The following MAP4 variants were observed in gnomAD, a reference collection of about 807,000 sequenced individuals.
The protein encoded by MAP4 is microtubule-associated protein 4.
In MAP4, 76 loss-of-function variants were observed where a neutral mutation model predicts 170.2. That is an observed-to-expected ratio of 0.45 (90% confidence interval 0.37 to 0.54). The LOEUF is 0.54. MAP4 is among the 20% of genes least tolerant of loss of function. MAP4 has a pLI of 0.00. For synonymous variants in MAP4, 909 were observed against 994.5 expected, an observed-to-expected ratio of 0.91 and a Z score of 1.62; for missense variants, 2,506 against 2,748.0, an observed-to-expected ratio of 0.91 and a Z score of 1.97.
At chr3:47,861,473 T>C (rs1314349712) in intron 17 of MAP4, among the ~76,000 whole-genome samples, 1 of 151,102 alleles carries the variant, frequency 6.6e-6, no homozygotes. Context: ...CTGCCTCAGC[T>C]TTCCAAGTAG....
At chr3:47,980,277 G>T (rs2100084719) in intron 2 of MAP4, among the ~76,000 whole-genome samples, 1 of 152,178 alleles carries the variant, frequency 6.6e-6, no homozygotes, top group South Asian at 2.1e-4. Context: ...ATTTGGGGAT[G>T]TACAACTTTT....
chr3:47,922,911 G>A (rs912870216), intron 4 of MAP4, among the ~76,000 whole-genome samples: 1 of 152,082 alleles, frequency 6.6e-6, no homozygotes, highest in African/African-American at 2.4e-5. Context: ...TTAGTCAGGC[G>A]TGGTGGCACG....
chr3:47,864,219 G>A (rs1289979546), intron 17 of MAP4, among the ~76,000 whole-genome samples: 1 of 152,094 alleles, frequency 6.6e-6, no homozygotes, highest in African/African-American at 2.4e-5. Context: ...GCCTCCCAGG[G>A]CCACTGTACC....
chr3:47,913,469 C>T (rs919217603), intron 8 of MAP4, among the ~76,000 whole-genome samples: 15 of 152,144 alleles, frequency 9.9e-5, no homozygotes, highest in African/African-American at 3.6e-4. Context: ...AGCAATTAAT[C>T]AGCAGCTATT....
Position 47,869,248 on chromosome 3 carries a change from G to C in MAP4, c.6374C>G (p.Pro2125Arg), listed in dbSNP as rs373072815. The change falls in exon 16 of 21, where the codon CCA becomes CGA. Residue 2125 changes from proline (P) to arginine (R), a missense_variant. Physicochemically the swap from Pro to Arg is moderately radical, Grantham distance 103. Transcript: ENST00000683076. ...ESNAVTKTAG[P>R]IASAQKQPAG... Reference sequence around the variant, plus strand: ...AGGTTGTTTCTGTGCACTTGCAATTGGGCCGGCTGTTTTAGTGACTGCATT... The same window carrying C: ...AGGTTGTTTCTGTGCACTTGCAATTCGGCCGGCTGTTTTAGTGACTGCATT... 1 of 1,614,048 alleles carries C rather than the reference G, an allele frequency of 6.2e-7. No individual in the cohort carries two copies. Among genetic ancestry groups the C allele is most frequent in the South Asian group, 1.1e-5 (1 of 91,076 alleles).
chr3:47,917,987 C>T (rs888558128), intron 6 of MAP4, among the ~76,000 whole-genome samples: 3 of 151,988 alleles, frequency 2.0e-5, no homozygotes, highest in Non-Finnish European at 4.4e-5. Flanking sequence ...CACGCCACCA[C>T]GCTGAGCTTA....
Position 47,855,047 on chromosome 3 carries a change from G to A in MAP4, c.6696+201C>T, listed in dbSNP as rs763124308. 4.5e-5 allele frequency: 25 copies of A among 553,052 alleles called. No homozygotes were observed. The highest frequency in any genetic ancestry group is 7.5e-5 in the Non-Finnish European group (23 of 306,484). The allele number at this position is 553,052 out of a possible 1,614,324, so 34.3% of individuals were successfully genotyped here. A position where few individuals can be genotyped will look rare whatever the true frequency, so the allele number is the denominator to read the frequency against. On this transcript the variant is annotated intron_variant, in intron 19 of 20. Coordinates refer to ENST00000683076, the MANE Select transcript of MAP4 (RefSeq NM_001385682.1). The surrounding 1 kb of genome is among the most constrained non-coding windows in gnomAD (Gnocchi z 5.1). The stretch of plus-strand genomic sequence containing the variant: ...TCTGCCTCCAGCTGACAGGTGAGGG[G>A]TGGCTGGGCTGGGGCCTCTTCACTT...
chr3:47,879,202 A>C (rs2096177109), intron 10 of MAP4, among the ~76,000 whole-genome samples: 2 of 152,076 alleles, frequency 1.3e-5, no homozygotes, highest in Non-Finnish European at 2.9e-5. Flanking sequence ...GCATGGAGAA[A>C]TTCTTTTATG....
At chr3:47,952,809 A>G (rs371263520) in intron 3 of MAP4, among the ~76,000 whole-genome samples, 18 of 152,214 alleles carry the variant, frequency 1.2e-4, no homozygotes, top group African/African-American at 4.3e-4. Context: ...CTGTAGTCCC[A>G]ACTACTCGGG....
At chr3:47,957,655 A>C (rs1010581208) in intron 3 of MAP4, among the ~76,000 whole-genome samples, 8 of 152,190 alleles carry the variant, frequency 5.3e-5, no homozygotes, top group Non-Finnish European at 1.2e-4. Flanking sequence ...TTCATAGTAA[A>C]GAAATGCAGA....
chr3:47,910,713 T>G lies in MAP4; in HGVS notation c.3708A>C (p.Glu1236Asp), dbSNP rs2100035558. The change falls in exon 9 of 21, where the codon GAA becomes GAC. Residue 1236 changes from glutamate (E) to aspartate (D), a missense_variant. Physicochemically the swap from Glu to Asp is conservative, Grantham distance 45 (BLOSUM62 2). Transcript: ENST00000683076. ...CTTCAAAAGGTGGGTTAAGGATTTC[T>G]TCCTTCCTCTCCATTCTAGCAGGCT... ...STQPARMERK[E>D]EILNPPFEGK... is the part of the protein sequence containing the mutation. 3.3e-6 allele frequency: 5 copies of G among 1,536,134 alleles called. No homozygotes were observed. The highest frequency in any genetic ancestry group is 4.4e-6 in the Non-Finnish European group (5 of 1,146,890).
intron 1 of MAP4, among the ~76,000 whole-genome samples, chr3:48,032,397 G>C (rs567951085): frequency 6.6e-6 from 1 of 152,042 alleles, no homozygotes; most frequent in Admixed American, 6.6e-5. Context: ...AGCTACTAGG[G>C]AGACTCAGGC....
At chr3:47,938,807 T>C (rs949752266) in intron 3 of MAP4, among the ~76,000 whole-genome samples, 1 of 152,178 alleles carries the variant, frequency 6.6e-6, no homozygotes, top group Non-Finnish European at 1.5e-5. Flanking sequence ...AAAATTATGG[T>C]TAAGTAAAAA....
At chr3:47,956,428 C>T (rs1482778849) in intron 3 of MAP4, among the ~76,000 whole-genome samples, 1 of 152,186 alleles carries the variant, frequency 6.6e-6, no homozygotes, top group Admixed American at 6.5e-5. Flanking sequence ...AGAGGTAGGA[C>T]TGAAGGGCAG....
intron 3 of MAP4, among the ~76,000 whole-genome samples, chr3:47,938,726 T>C (rs772539839): frequency 6.6e-6 from 1 of 152,164 alleles, no homozygotes; most frequent in East Asian, 1.9e-4. Context: ...AGGCTAACCA[T>C]GTAAATTTGG....
At chr3:48,002,177 C>T (rs985077211) in intron 1 of MAP4, among the ~76,000 whole-genome samples, 6 of 150,432 alleles carry the variant, frequency 4.0e-5, no homozygotes, top group Non-Finnish European at 7.4e-5. Flanking sequence ...ACCACAACTC[C>T]AGGTGTGGAG....
chr3:47,944,887 T>C (rs1578090956), intron 3 of MAP4, among the ~76,000 whole-genome samples: 1 of 151,780 alleles, frequency 6.6e-6, no homozygotes. Context: ...GACTGGATAT[T>C]TGGTACTAGG....
At chr3:47,996,864 A>G (rs879168994) in intron 2 of MAP4, among the ~76,000 whole-genome samples, 1 of 152,186 alleles carries the variant, frequency 6.6e-6, no homozygotes. Context: ...CTACAGTAGA[A>G]AAGGTGGAAA....
At chr3:48,017,064 C>A (rs1266014037), upstream of MAP4, among the ~76,000 whole-genome samples, 1 of 152,142 alleles carries the variant, frequency 6.6e-6, no homozygotes, top group East Asian at 1.9e-4. Flanking sequence ...CAGGCATGAG[C>A]CACCATGCCT....
Sources: gnomAD v4.1 joint callset for allele counts (sites outside exome capture counted in the v4.1 genomes callset) on GRCh38, gnomAD v4.1.1 for gene constraint, Gnocchi (gnomAD v3.1) non-coding constraint, MANE v1.5 for transcripts, NCBI Gene and HGNC (gene_info 2026-07-23, HGNC 2026-07-21) for gene names.